Variants in GABRA3 observed in about 807,000 individuals in gnomAD.
GABRA3 encodes the protein gamma-aminobutyric acid receptor subunit alpha-3.
Under a neutral mutation model 30.1 loss-of-function variants are expected in GABRA3, and 10 were observed. The observed-to-expected ratio is 0.33, with a 90% CI of 0.20 to 0.56. The LOEUF is 0.56. Ranked by LOEUF, GABRA3 falls within the 20% of genes least tolerant of loss-of-function variation. GABRA3 has a pLI of 0.89. For synonymous variants in GABRA3, 151 were observed against 146.8 expected (o/e 1.03, Z -0.21); for missense variants, 233 against 392.0 (o/e 0.59, Z 3.42).
intron 3 of GABRA3, among the ~76,000 whole-genome samples, chrX:152,290,366 T>C (rs1218592084): frequency 8.9e-6 from 1 of 112,034 alleles, no homozygotes; most frequent in Admixed American, 9.5e-5. Flanking sequence ...GGTTGTTTGT[T>C]TTTTTCTTGT....
chrX:152,204,846 G>A (rs989436022), intron 7 of GABRA3, among the ~76,000 whole-genome samples: 1 of 111,754 alleles, frequency 8.9e-6, no homozygotes, highest in Non-Finnish European at 1.9e-5. Flanking sequence ...TGATACTGAG[G>A]TGTCAGCAGA....
rs1014427759 is a variant in GABRA3, at chrX:152,279,079, TA to T, written c.330+5588del. ...GTAGGTTGCCTGTTCACTCTGATGGTAGTTTCTTTAGCTGTGCAGAAGCTCT... is the reference window on the plus strand; with the variant it reads ...GTAGGTTGCCTGTTCACTCTGATGGTGTTTCTTTAGCTGTGCAGAAGCTCT... On this transcript the variant is annotated intron_variant, in intron 4 of 9. Transcript: ENST00000370314. 2.9e-4 allele frequency among the ~76,000 whole-genome samples: 33 copies of T among 112,069 alleles called. No individual in the cohort carries two copies. In the East Asian group the frequency reaches 8.5e-3, roughly 29 times the overall value.
At chrX:152,391,408 T>C (rs1391674640) in intron 1 of GABRA3, among the ~76,000 whole-genome samples, 2 of 111,404 alleles carry the variant, frequency 1.8e-5, no homozygotes, top group East Asian at 2.8e-4. Context: ...AATAGCCACA[T>C]AGTTGAAATT....
intron 1 of GABRA3, among the ~76,000 whole-genome samples, chrX:152,436,169 G>T (rs765333118): frequency 1.1e-4 from 12 of 111,687 alleles, no homozygotes; most frequent in Non-Finnish European, 1.7e-4. Flanking sequence ...GGAAAAGCTG[G>T]CTGATCAATT....
At chrX:152,214,949 A>C (rs1235646705) in intron 6 of GABRA3, among the ~76,000 whole-genome samples, 2 of 108,613 alleles carry the variant, frequency 1.8e-5, no homozygotes, top group Admixed American at 9.9e-5. Flanking sequence ...TCTTAATTCT[A>C]ACAAATTTTT....
intron 3 of GABRA3, among the ~76,000 whole-genome samples, chrX:152,337,823 A>C (rs1481251788): frequency 8.9e-6 from 1 of 111,966 alleles, no homozygotes; most frequent in Admixed American, 9.5e-5. Context: ...TGCCTTACAA[A>C]AAATTAAAAA....
intron 2 of GABRA3, among the ~76,000 whole-genome samples, chrX:152,363,048 A>T (rs1017578163): frequency 8.9e-6 from 1 of 111,967 alleles, no homozygotes; most frequent in Non-Finnish European, 1.9e-5. Flanking sequence ...AGAGAAGTCT[A>T]GAATGAAGAT....
chrX:152,413,766 A>G (rs910190503), intron 1 of GABRA3, among the ~76,000 whole-genome samples: 8 of 110,725 alleles, frequency 7.2e-5, no homozygotes, highest in Non-Finnish European at 1.3e-4. Flanking sequence ...TTTATTTAAC[A>G]CAATATTAGA....
chrX:152,181,361 T>A (rs958733483), intron 9 of GABRA3, among the ~76,000 whole-genome samples: 4 of 112,043 alleles, frequency 3.6e-5, no homozygotes, highest in African/African-American at 9.7e-5. Context: ...GAAATGCAAC[T>A]GATTTTTGCA....
chrX:152,247,732 C>T (rs767477839), intron 5 of GABRA3, among the ~76,000 whole-genome samples: 1 of 112,016 alleles, frequency 8.9e-6, no homozygotes, highest in African/African-American at 3.2e-5. Context: ...AGCAGTCTTA[C>T]TGCAGAACCC....
intron 1 of GABRA3, among the ~76,000 whole-genome samples, chrX:152,382,452 T>C (rs1024292129): frequency 3.6e-5 from 4 of 112,285 alleles, no homozygotes; most frequent in African/African-American, 1.3e-4. Context: ...GGATTGTAAA[T>C]CATTCTACCA....
intron 6 of GABRA3, among the ~76,000 whole-genome samples, chrX:152,223,219 C>T (rs1212594510): frequency 1.8e-5 from 2 of 111,171 alleles, no homozygotes; most frequent in Non-Finnish European, 3.8e-5. Flanking sequence ...CTTCAATCTT[C>T]ACTGAGCTTT....
chrX:152,373,196 C>A (rs186457701), intron 1 of GABRA3, among the ~76,000 whole-genome samples: 3 of 111,507 alleles, frequency 2.7e-5, no homozygotes, highest in African/African-American at 6.5e-5. Flanking sequence ...CATAGGTAAA[C>A]ATGTGCCATG....
chrX:152,297,621 A>G lies in GABRA3; in HGVS notation c.263-12886T>C, dbSNP rs769113305. ...TCTCAGTATAAGCTCTAGCAGTACC[A>G]CTGACAAGCTTTATGACCTTGAATA... On this transcript the variant is annotated intron_variant, in intron 3 of 9. Transcript: ENST00000370314. Among the ~76,000 whole-genome samples the G allele has an allele frequency of 1.9e-4, 21 of 112,207 alleles. 2 individuals are homozygous for G. In the South Asian group the frequency reaches 4.8e-3, roughly 26 times the overall value.
chrX:152,418,412 A>T (rs1162419059), intron 1 of GABRA3, among the ~76,000 whole-genome samples: 1 of 111,733 alleles, frequency 8.9e-6, no homozygotes, highest in Admixed American at 9.5e-5. Context: ...AAGCAAATTA[A>T]TTCTAAATAA....
chrX:152,356,420 T>A (rs1415248759), intron 2 of GABRA3, among the ~76,000 whole-genome samples: 2 of 111,537 alleles, frequency 1.8e-5, no homozygotes, highest in Non-Finnish European at 3.8e-5. Flanking sequence ...CACAAAAACA[T>A]AATTAAGAAA....
At chrX:152,445,810 C>T (rs1272425732) in intron 1 of GABRA3, among the ~76,000 whole-genome samples, 2 of 111,843 alleles carry the variant, frequency 1.8e-5, no homozygotes, top group Non-Finnish European at 1.9e-5. Context: ...TCCAACAAGA[C>T]AAGTGATATG....
At chrX:152,345,962 G>T (rs1003273577) in intron 2 of GABRA3, among the ~76,000 whole-genome samples, 2 of 111,387 alleles carry the variant, frequency 1.8e-5, no homozygotes, top group Non-Finnish European at 3.8e-5. Flanking sequence ...CAACCCAGCA[G>T]TAAAGAGACA....
chrX:152,221,334 C>T (rs1026060034), intron 6 of GABRA3, among the ~76,000 whole-genome samples: 1 of 111,461 alleles, frequency 9.0e-6, no homozygotes, highest in Non-Finnish European at 1.9e-5. Flanking sequence ...CTCTCTGTCT[C>T]TCTCTCTCTC....
Sources: gnomAD v4.1 joint callset for allele counts (sites outside exome capture counted in the v4.1 genomes callset) on GRCh38, gnomAD v4.1.1 for gene constraint, MANE v1.5 for transcripts, NCBI Gene and HGNC (gene_info 2026-07-23, HGNC 2026-07-21) for gene names.